Variants in NEURL1 observed in about 807,000 individuals in gnomAD.
NEURL1 encodes the protein neuralized E3 ubiquitin protein ligase 1.
In NEURL1, 26 loss-of-function variants were observed where a neutral mutation model predicts 41.2. The ratio of observed to expected loss-of-function variants is 0.63; its 90% confidence interval spans 0.46 to 0.87. NEURL1 has a LOEUF of 0.87. NEURL1 is among the 40% of genes least tolerant of loss of function. NEURL1 has a pLI of 0.00. For missense variants in NEURL1, 761 were observed against 871.1 expected, an observed-to-expected ratio of 0.87 and a Z score of 1.59; for synonymous variants, 400 against 402.3, an observed-to-expected ratio of 0.99 and a Z score of 0.07.
chr10:103,520,616 C>T (rs970487328), intron 1 of NEURL1, among the ~76,000 whole-genome samples: 1 of 152,126 alleles, frequency 6.6e-6, no homozygotes, highest in Non-Finnish European at 1.5e-5. Flanking sequence ...GATATGATGG[C>T]TTGGCTTGAG....
intron 1 of NEURL1, among the ~76,000 whole-genome samples, chr10:103,549,480 T>C (rs540709262): frequency 1.3e-5 from 2 of 152,352 alleles, no homozygotes; most frequent in East Asian, 3.9e-4. Context: ...GCCTCCACTC[T>C]TGTCCTGGCT....
chr10:103,588,971 G>A, intron 4 of NEURL1: 1 of 437,622 alleles, frequency 2.3e-6, no homozygotes, highest in South Asian at 1.6e-5. Context: ...AGGAGAGGAA[G>A]TGAGTGACGG....
chr10:103,582,792 C>A (rs995448846), intron 3 of NEURL1, among the ~76,000 whole-genome samples: 1 of 152,160 alleles, frequency 6.6e-6, no homozygotes, highest in African/African-American at 2.4e-5. Flanking sequence ...GGAGAAGGCC[C>A]AAAGGAAGGG....
intron 1 of NEURL1, among the ~76,000 whole-genome samples, chr10:103,539,511 C>T (rs1453270394): frequency 6.6e-6 from 1 of 152,096 alleles, no homozygotes; most frequent in Non-Finnish European, 1.5e-5. Context: ...TCTGGCATAC[C>T]AACCTGTCAT....
intron 1 of NEURL1, among the ~76,000 whole-genome samples, chr10:103,509,711 C>T (rs2034028158): frequency 6.6e-6 from 1 of 152,122 alleles, no homozygotes; most frequent in Non-Finnish European, 1.5e-5. Flanking sequence ...CCCCAAGATT[C>T]AGGACTTTTT....
chr10:103,562,340 G>A (rs1005628424), intron 1 of NEURL1, among the ~76,000 whole-genome samples: 7 of 152,190 alleles, frequency 4.6e-5, no homozygotes, highest in African/African-American at 1.4e-4. Context: ...CCAAGATCAC[G>A]CCACGACTCT....
Position 103,566,777 on chromosome 10 carries a change from C to T in NEURL1, c.86-4095C>T, listed in dbSNP as rs1475196923. 6.6e-6 allele frequency among the ~76,000 whole-genome samples: 1 copy of T among 152,138 alleles called. No homozygotes were observed. On this transcript the variant is annotated intron_variant, in intron 1 of 5. Transcript: ENST00000369780. The surrounding 1 kb of genome is among the most constrained non-coding windows in gnomAD (Gnocchi z 4.2). ...TCATGAGAAACTGCCAAACCATTCT[C>T]AACACTGGCTTTCCAGGTTGTGTCG...
chr10:103,527,658 C>T (rs892977136), intron 1 of NEURL1, among the ~76,000 whole-genome samples: 1 of 152,134 alleles, frequency 6.6e-6, no homozygotes, highest in African/African-American at 2.4e-5. Flanking sequence ...CTATCTCATC[C>T]TGTGACTAAG....
intron 1 of NEURL1, among the ~76,000 whole-genome samples, chr10:103,536,607 G>T (rs1313473481): frequency 6.6e-6 from 1 of 151,738 alleles, no homozygotes; most frequent in African/African-American, 2.4e-5. Flanking sequence ...CATTGTTTTG[G>T]CTATCTTTAT....
intron 1 of NEURL1, among the ~76,000 whole-genome samples, chr10:103,498,794 AT>A (rs779907299): frequency 1.3e-5 from 2 of 152,240 alleles, no homozygotes; most frequent in Non-Finnish European, 2.9e-5. Context: ...AGGATACAAT[AT>A]TTGTCCTTTT....
chr10:103,506,071 A>G (rs2033939544), intron 1 of NEURL1, among the ~76,000 whole-genome samples: 1 of 152,206 alleles, frequency 6.6e-6, no homozygotes, highest in Non-Finnish European at 1.5e-5. Context: ...TTGCCCTAGA[A>G]TGCCATCCTG....
At position 103,592,191 on chromosome 10, in the gene NEURL1, T is replaced by G. The variant is rs1396289123; in HGVS notation, c.*1819T>G. 1 of 152,284 alleles carries G rather than the reference T, an allele frequency of 6.6e-6. No individual in the cohort carries two copies. The highest frequency in any genetic ancestry group is 1.9e-4 in the East Asian group (1 of 5,192). 9.4% of individuals were successfully genotyped at this position (152,284 alleles called of 1,614,324 possible). A position where few individuals can be genotyped will look rare whatever the true frequency, so the allele number is the denominator to read the frequency against. ...CCAGCTTCCATTTCTATAAAATGGT[T>G]GTTTCGGGAGAGAGGGGCAGGCTTT... On this transcript the variant is annotated 3_prime_UTR_variant, in exon 6 of 6. Coordinates refer to ENST00000369780, the MANE Select transcript of NEURL1 (RefSeq NM_004210.5). This position sits in a 1 kb window ranked among gnomAD's most constrained non-coding sequence, Gnocchi z 4.8.
chr10:103,538,960 T>C (rs12413077), intron 1 of NEURL1, among the ~76,000 whole-genome samples: 32 of 123,170 alleles, frequency 2.6e-4, no homozygotes, highest in Admixed American at 4.2e-4. Flanking sequence ...TTTTTTTTTC[T>C]TTTTCAGACA....
chr10:103,540,598 T>C (rs1410780956), intron 1 of NEURL1, among the ~76,000 whole-genome samples: 2 of 152,174 alleles, frequency 1.3e-5, no homozygotes, highest in African/African-American at 2.4e-5. Flanking sequence ...CCTTCACACT[T>C]ATTTTTATCA....
intron 1 of NEURL1, among the ~76,000 whole-genome samples, chr10:103,522,847 G>C (rs2034384498): frequency 6.6e-6 from 1 of 152,052 alleles, no homozygotes; most frequent in Non-Finnish European, 1.5e-5. Context: ...CTCTCCAGTA[G>C]TCAGTTTTGG....
Position 103,524,917 on chromosome 10 carries a change from A to G in NEURL1, c.85+30445A>G, listed in dbSNP as rs538643883. Among the ~76,000 whole-genome samples, 3 of 152,088 alleles carry G rather than the reference A, an allele frequency of 2.0e-5. No homozygotes were observed. In the South Asian group the frequency reaches 6.2e-4, roughly 32 times the overall value. ...TTTTGCTCAGGATTGCTTTGGCTAT[A>G]TGGGGGGTGGGGTCCATAGAATTTT... On this transcript the variant is annotated intron_variant, in intron 1 of 5. Transcript: ENST00000369780.
intron 3 of NEURL1, among the ~76,000 whole-genome samples, chr10:103,576,937 C>G (rs1180103158): frequency 1.3e-5 from 2 of 152,108 alleles, no homozygotes; most frequent in Non-Finnish European, 2.9e-5. Context: ...GGGTGTGCCT[C>G]AGCTTGGAGG....
At chr10:103,503,432 G>A (rs1482644042) in intron 1 of NEURL1, among the ~76,000 whole-genome samples, 3 of 152,190 alleles carry the variant, frequency 2.0e-5, no homozygotes, top group African/African-American at 7.2e-5. Context: ...CTTTTTCTCT[G>A]CTCTAGTGAC....
At chr10:103,514,368 C>G (rs898194354) in intron 1 of NEURL1, among the ~76,000 whole-genome samples, 6 of 152,090 alleles carry the variant, frequency 3.9e-5, no homozygotes, top group Non-Finnish European at 8.8e-5. Context: ...TGTTTCTTAC[C>G]TGCCATGGAC....
Sources: gnomAD v4.1 joint callset for allele counts (sites outside exome capture counted in the v4.1 genomes callset) on GRCh38, gnomAD v4.1.1 for gene constraint, Gnocchi (gnomAD v3.1) non-coding constraint, MANE v1.5 for transcripts, NCBI Gene and HGNC (gene_info 2026-07-23, HGNC 2026-07-21) for gene names.